GRID2: variants seen among roughly 807,000 people sequenced by gnomAD.
The protein encoded by GRID2 is glutamate ionotropic receptor delta type subunit 2.
GRID2 carries 33 observed loss-of-function variants against 114.8 expected under a neutral mutation model. The observed-to-expected ratio is 0.29, with a 90% CI of 0.22 to 0.38. The LOEUF is 0.38. Among genes scored for constraint, GRID2 ranks in the 10% least tolerant of loss-of-function variants. The probability of loss-of-function intolerance (pLI) is 1.00; values close to 1 mark genes in which losing one functional copy is unlikely to be tolerated. For synonymous variants in GRID2, 505 were observed against 449.9 expected (o/e 1.12, Z -1.55); for missense variants, 1,184 against 1,257.7 (o/e 0.94, Z 0.89).
chr4:93,282,288 A>C lies in GRID2; in HGVS notation c.1245+43798A>C, dbSNP rs533956974. ...TTATCTCAGGTAGTAAAAACAATTA[A>C]AAGTACCTGCCTTAGTCCATTTTGG... On this transcript the variant is annotated intron_variant, in intron 8 of 15. Transcript: ENST00000282020. The C allele has an allele frequency of 1.9e-5, 6 of 320,606 alleles. No individual in the cohort carries two copies. In the Admixed American group the frequency reaches 2.6e-4, roughly 14 times the overall value. 19.9% of individuals were successfully genotyped at this position (320,606 alleles called of 1,614,324 possible).
chr4:93,736,211 A>G (rs1158757410), intron 14 of GRID2, among the ~76,000 whole-genome samples: 2 of 152,058 alleles, frequency 1.3e-5, no homozygotes, highest in African/African-American at 4.8e-5. Flanking sequence ...GCACACAAAG[A>G]TAATAAATAA....
intron 8 of GRID2, among the ~76,000 whole-genome samples, chr4:93,375,252 C>A (rs1014552574): frequency 1.4e-5 from 2 of 140,294 alleles, no homozygotes; most frequent in African/African-American, 5.5e-5. Context: ...CTCACTCTAT[C>A]GCCCAGGCTG....
chr4:93,216,268 G>T (rs1170357177), intron 5 of GRID2, among the ~76,000 whole-genome samples: 3 of 151,814 alleles, frequency 2.0e-5, no homozygotes, highest in African/African-American at 7.3e-5. Context: ...ATGTGTGTGT[G>T]TGCATGTGTG....
intron 2 of GRID2, among the ~76,000 whole-genome samples, chr4:92,794,905 T>TATATATATATATATATATAC (rs745392261): frequency 5.2e-4 from 66 of 127,760 alleles, no homozygotes; most frequent in African/African-American, 1.9e-3. Context: ...TATATATATA[T>TATATATATATATATATATAC]ACACACACAC....
At chr4:93,296,970 A>G (rs1579582881) in intron 8 of GRID2, among the ~76,000 whole-genome samples, 1 of 152,278 alleles carries the variant, frequency 6.6e-6, no homozygotes, top group East Asian at 1.9e-4. Flanking sequence ...TTACTATTAC[A>G]TTCTTTAAAA....
intron 11 of GRID2, among the ~76,000 whole-genome samples, chr4:93,486,418 C>A (rs1490190833): frequency 2.0e-5 from 3 of 151,390 alleles, no homozygotes; most frequent in Admixed American, 6.6e-5. Context: ...AATTTGTGTC[C>A]TTTAAGACAG....
chr4:93,239,264 A>G (rs893502396), intron 8 of GRID2, among the ~76,000 whole-genome samples: 2 of 149,362 alleles, frequency 1.3e-5, no homozygotes, highest in Non-Finnish European at 3.0e-5. Flanking sequence ...AATCATATAT[A>G]TATCATATAA....
intron 2 of GRID2, among the ~76,000 whole-genome samples, chr4:92,939,747 G>T (rs1383752261): frequency 6.8e-6 from 1 of 147,314 alleles, no homozygotes; most frequent in African/African-American, 2.4e-5. Context: ...TTGGTATAAG[G>T]TGTAAGGAAG....
intron 2 of GRID2, among the ~76,000 whole-genome samples, chr4:93,073,504 T>C (rs1189406311): frequency 2.0e-5 from 3 of 152,178 alleles, no homozygotes; most frequent in Non-Finnish European, 4.4e-5. Context: ...AGTAGGCTAT[T>C]GATCGTTAAG....
At chr4:93,133,343 C>G (rs988828907) in intron 4 of GRID2, among the ~76,000 whole-genome samples, 1 of 152,144 alleles carries the variant, frequency 6.6e-6, no homozygotes, top group Non-Finnish European at 1.5e-5. Context: ...ATTTTGATAA[C>G]ACTGCTCTTC....
chr4:92,398,282 A>T (rs1730606044), intron 1 of GRID2, among the ~76,000 whole-genome samples: 1 of 152,186 alleles, frequency 6.6e-6, no homozygotes, highest in Non-Finnish European at 1.5e-5. Context: ...ATCATTTATT[A>T]TTATTTCACT....
At chr4:92,945,676 G>A (rs1324004095) in intron 2 of GRID2, among the ~76,000 whole-genome samples, 2 of 152,156 alleles carry the variant, frequency 1.3e-5, no homozygotes. Context: ...TTTCCCAAAT[G>A]ATTACTTGAA....
intron 3 of GRID2, among the ~76,000 whole-genome samples, chr4:93,095,689 T>A (rs1002049621): frequency 6.6e-6 from 1 of 151,868 alleles, no homozygotes; most frequent in African/African-American, 2.4e-5. Flanking sequence ...CAGAAATAAA[T>A]CTGCAAAATT....
chr4:92,959,919 G>A (rs149385238), intron 2 of GRID2, among the ~76,000 whole-genome samples: 11 of 151,920 alleles, frequency 7.2e-5, no homozygotes, highest in African/African-American at 2.4e-4. Flanking sequence ...ATGGGTTGAT[G>A]AGTGCATCAA....
At chr4:92,609,493 A>G (rs1471254904) in intron 2 of GRID2, among the ~76,000 whole-genome samples, 4 of 151,700 alleles carry the variant, frequency 2.6e-5, no homozygotes, top group Non-Finnish European at 4.4e-5. Flanking sequence ...TGCCATTTAA[A>G]ATAAAGTGGT....
At chr4:92,782,654 G>A (rs1739138061) in intron 2 of GRID2, among the ~76,000 whole-genome samples, 1 of 152,068 alleles carries the variant, frequency 6.6e-6, no homozygotes, top group African/African-American at 2.4e-5. Context: ...TGATCCTGAG[G>A]TAGATATGGA....
At chr4:93,590,568 G>C (rs565243185) in intron 13 of GRID2, among the ~76,000 whole-genome samples, 1 of 152,032 alleles carries the variant, frequency 6.6e-6, no homozygotes, top group Non-Finnish European at 1.5e-5. Flanking sequence ...GAACTTTAAA[G>C]TAGTTTTTTC....
intron 2 of GRID2, among the ~76,000 whole-genome samples, chr4:92,807,429 C>G (rs1560603764): frequency 6.7e-6 from 1 of 149,876 alleles, no homozygotes; most frequent in East Asian, 2.0e-4. Context: ...ATGTGATGTG[C>G]AAAAAAAATG....
Position 93,460,098 on chromosome 4 carries a change from C to T in GRID2, c.1858+4124C>T, listed in dbSNP as rs1449108204. Among the ~76,000 whole-genome samples the T allele has an allele frequency of 2.6e-5, 4 of 152,118 alleles. No individual in the cohort carries two copies. In the East Asian group the frequency reaches 5.8e-4, roughly 22 times the overall value. ...TCCAGTGTTGTCTCCTGCAAATATA[C>T]GATTCACATACTTGCATATATACCC... On this transcript the variant is annotated intron_variant, in intron 11 of 15. Transcript: ENST00000282020.
Sources: gnomAD v4.1 joint callset for allele counts (sites outside exome capture counted in the v4.1 genomes callset) on GRCh38, gnomAD v4.1.1 for gene constraint, MANE v1.5 for transcripts, NCBI Gene and HGNC (gene_info 2026-07-23, HGNC 2026-07-21) for gene names.